NEK10: variants seen among roughly 807,000 people sequenced by gnomAD.
The protein encoded by NEK10 is serine/threonine-protein kinase Nek10.
Under a neutral mutation model 159.8 loss-of-function variants are expected in NEK10, and 122 were observed. The observed-to-expected ratio is 0.76, with a 90% CI of 0.66 to 0.89. The LOEUF (loss-of-function observed/expected upper bound fraction) is 0.89, where lower values mean the gene tolerates loss of function less well. Ranked by LOEUF, NEK10 falls within the 40% of genes least tolerant of loss-of-function variation. NEK10 has a pLI of 0.00. For synonymous variants in NEK10, 466 were observed against 457.1 expected (o/e 1.02, Z -0.25); for missense variants, 1,342 against 1,323.1 (o/e 1.01, Z -0.22).
intron 23 of NEK10, among the ~76,000 whole-genome samples, chr3:27,226,210 C>CT (rs990424881): frequency 1.2e-4 from 18 of 145,154 alleles, no homozygotes; most frequent in East Asian, 4.0e-4. Flanking sequence ...TTTTTTTTTT[C>CT]TTTTTTTTGT....
chr3:27,224,136 C>A (rs1184327832), intron 23 of NEK10, among the ~76,000 whole-genome samples: 3 of 152,212 alleles, frequency 2.0e-5, no homozygotes, highest in Non-Finnish European at 4.4e-5. Context: ...ACAGAGAATG[C>A]CAGGTGAGGC....
At chr3:27,192,980 C>T (rs1312377024) in intron 25 of NEK10, among the ~76,000 whole-genome samples, 3 of 152,136 alleles carry the variant, frequency 2.0e-5, no homozygotes, top group Admixed American at 1.3e-4. Flanking sequence ...TTAGTCAGAT[C>T]CTGGGCAAGT....
At chr3:27,298,730 G>A (rs923094923) in intron 13 of NEK10, among the ~76,000 whole-genome samples, 12 of 152,162 alleles carry the variant, frequency 7.9e-5, no homozygotes, top group African/African-American at 1.7e-4. Context: ...AGGCCGAGGT[G>A]GTCTCAGATG....
intron 31 of NEK10, among the ~76,000 whole-genome samples, chr3:27,137,612 G>A (rs1943356791): frequency 6.6e-6 from 1 of 152,160 alleles, no homozygotes; most frequent in Non-Finnish European, 1.5e-5. Flanking sequence ...TATTAGTCAA[G>A]CTTCCCCCAA....
intron 1 of NEK10, 21 bp from the exon 2 acceptor site, chr3:27,352,940 G>A (rs2048076058): frequency 1.8e-5 from 24 of 1,309,362 alleles, no homozygotes; most frequent in Admixed American, 3.6e-5. Flanking sequence ...AAACCAGAGG[G>A]AAAATTTTAG....
intron 5 of NEK10, among the ~76,000 whole-genome samples, chr3:27,333,805 T>C (rs1446382124): frequency 3.3e-5 from 5 of 152,008 alleles, no homozygotes; most frequent in African/African-American, 1.2e-4. Context: ...GGGACAGAGG[T>C]GCAAGAGAAG....
At chr3:27,285,564 ACTT>A (rs1182418668) in intron 20 of NEK10, among the ~76,000 whole-genome samples, 3 of 151,868 alleles carry the variant, frequency 2.0e-5, no homozygotes, top group African/African-American at 7.2e-5. Context: ...ACAAAACTGG[ACTT>A]CTCCAGGTTT....
intron 23 of NEK10, among the ~76,000 whole-genome samples, chr3:27,214,123 T>C (rs1243920857): frequency 6.6e-6 from 1 of 152,210 alleles, no homozygotes; most frequent in African/African-American, 2.4e-5. Context: ...TAATCATCAA[T>C]CAGAAAATCT....
chr3:27,353,313 T>A (rs556674346), intron 1 of NEK10, among the ~76,000 whole-genome samples: 7 of 152,336 alleles, frequency 4.6e-5, no homozygotes, highest in African/African-American at 1.7e-4. Flanking sequence ...TTAATTTGAC[T>A]GGATGTAAAA....
At chr3:27,233,781 C>T (rs1195827171) in intron 23 of NEK10, among the ~76,000 whole-genome samples, 2 of 152,036 alleles carry the variant, frequency 1.3e-5, no homozygotes, top group Non-Finnish European at 2.9e-5. Flanking sequence ...AGGCCAGCAA[C>T]ATCCTGATAC....
At chr3:27,343,242 T>C (rs780092432) in intron 5 of NEK10, among the ~76,000 whole-genome samples, 3 of 152,110 alleles carry the variant, frequency 2.0e-5, no homozygotes, top group Non-Finnish European at 4.4e-5. Flanking sequence ...AATGACCCCA[T>C]CTAAAAGATG....
intron 5 of NEK10, among the ~76,000 whole-genome samples, chr3:27,337,229 C>T (rs2046867826): frequency 6.6e-6 from 1 of 151,770 alleles, no homozygotes; most frequent in East Asian, 1.9e-4. Context: ...CCGATAGCTA[C>T]CAAAAAAATA....
intron 22 of NEK10, among the ~76,000 whole-genome samples, chr3:27,274,073 A>C (rs2041583505): frequency 6.6e-6 from 1 of 152,170 alleles, no homozygotes; most frequent in South Asian, 2.1e-4. Flanking sequence ...AATTAAGTCT[A>C]AAGTAGATAT....
chr3:27,342,327 G>A (rs903254454), intron 5 of NEK10, among the ~76,000 whole-genome samples: 3 of 152,166 alleles, frequency 2.0e-5, no homozygotes, highest in African/African-American at 7.2e-5. Flanking sequence ...GAAAAAAAAG[G>A]AGGGATGATC....
At chr3:27,176,527 C>G (rs772487123) in intron 26 of NEK10, among the ~76,000 whole-genome samples, 25 of 152,160 alleles carry the variant, frequency 1.6e-4, no homozygotes, top group Non-Finnish European at 3.2e-4. Context: ...CCCCTGATAC[C>G]AAATCCAGGA....
chr3:27,264,053 G>C (rs2040664586), intron 22 of NEK10, among the ~76,000 whole-genome samples: 1 of 152,090 alleles, frequency 6.6e-6, no homozygotes, highest in Non-Finnish European at 1.5e-5. Flanking sequence ...TGAGGAAATA[G>C]GCTCAAAGAG....
intron 26 of NEK10, among the ~76,000 whole-genome samples, chr3:27,189,096 A>G (rs6551176): frequency 0.66 from 99,803 of 151,886 alleles, 34,884 homozygotes; most frequent in African/African-American, 0.91. Flanking sequence ...TCAACTCTAT[A>G]CTCTCCTTAT....
intron 22 of NEK10, among the ~76,000 whole-genome samples, chr3:27,277,785 C>A (rs920908809): frequency 1.3e-5 from 2 of 152,182 alleles, no homozygotes; most frequent in East Asian, 3.9e-4. Context: ...TCCTGCTACA[C>A]CTGACTTTCT....
chr3:27,229,588 A>G (rs1953011431), intron 23 of NEK10, among the ~76,000 whole-genome samples: 1 of 152,182 alleles, frequency 6.6e-6, no homozygotes, highest in Non-Finnish European at 1.5e-5. Context: ...GAGATAACAG[A>G]GGAAGGTTAA....
Sources: allele counts gnomAD v4.1 joint callset (sites outside exome capture counted in the v4.1 genomes callset), GRCh38; gene constraint gnomAD v4.1.1; transcripts MANE v1.5; gene names NCBI Gene and HGNC (gene_info 2026-07-23, HGNC 2026-07-21).